EPHA5: variants seen among roughly 807,000 people sequenced by gnomAD.
The protein encoded by EPHA5 is EPH receptor A5, also known as ephrin type-A receptor 5.
A neutral mutation model predicts 105.0 loss-of-function variants in EPHA5; 60 were observed. The observed-to-expected ratio is 0.57, with a 90% confidence interval of 0.46 to 0.71. The LOEUF (loss-of-function observed/expected upper bound fraction) is 0.71. Among genes scored for constraint, EPHA5 ranks in the 30% least tolerant of loss-of-function variants. EPHA5 has a pLI of 0.00. For missense variants in EPHA5, 1,218 were observed against 1,274.7 expected, an observed-to-expected ratio of 0.96 and a Z score of 0.68; for synonymous variants, 513 against 449.1, an observed-to-expected ratio of 1.14 and a Z score of -1.80.
chr4:65,519,968 A>G (rs1405093584), intron 3 of EPHA5, among the ~76,000 whole-genome samples: 2 of 152,174 alleles, frequency 1.3e-5, no homozygotes, highest in Admixed American at 6.5e-5. Flanking sequence ...TAATTTATAG[A>G]TTTAATGCCA....
At chr4:65,387,146 G>T (rs1037697316) in intron 8 of EPHA5, among the ~76,000 whole-genome samples, 4 of 151,868 alleles carry the variant, frequency 2.6e-5, no homozygotes, top group African/African-American at 9.7e-5. Context: ...GGGGGCGGGG[G>T]TTGGGCGGTA....
intron 11 of EPHA5, among the ~76,000 whole-genome samples, chr4:65,353,745 T>C (rs536938205): frequency 3.8e-4 from 58 of 151,800 alleles, no homozygotes; most frequent in Non-Finnish European, 7.8e-4. Flanking sequence ...CCTTTGAATG[T>C]ATATTGCATT....
At chr4:65,605,630 T>C (rs1047358830) in intron 2 of EPHA5, among the ~76,000 whole-genome samples, 1 of 152,158 alleles carries the variant, frequency 6.6e-6, no homozygotes, top group Non-Finnish European at 1.5e-5. Flanking sequence ...TTTTCATTAT[T>C]ATGTTTCTAT....
At chr4:65,430,961 CG>C (rs1322536868) in intron 5 of EPHA5, among the ~76,000 whole-genome samples, 7 of 151,984 alleles carry the variant, frequency 4.6e-5, no homozygotes, top group South Asian at 2.1e-4. Flanking sequence ...CATTCTGTGA[CG>C]TGTAATTGTA....
In EPHA5 at chr4:65,320,628, T is replaced by C. The variant is rs1042312378; in HGVS notation, c.*3486A>G. The C allele has an allele frequency of 4.4e-6, 1 of 229,844 alleles. No homozygotes were observed. The highest frequency in any genetic ancestry group is 8.6e-6 in the Non-Finnish European group (1 of 115,826). The allele number at this position is 229,844 out of a possible 1,614,324, so 14.2% of individuals were successfully genotyped here. On this transcript the variant is annotated 3_prime_UTR_variant, in exon 17 of 17. Coordinates refer to ENST00000613740, the MANE Select transcript of EPHA5 (RefSeq NM_001281766.3). Reference sequence around the variant, plus strand: ...TGTGCTTCTGAGAACCCACTTTACATGGCATAAATAATGGTGTTAAAAATA... The same window carrying C: ...TGTGCTTCTGAGAACCCACTTTACACGGCATAAATAATGGTGTTAAAAATA...
chr4:65,407,856 T>C (rs1266234473), intron 7 of EPHA5, among the ~76,000 whole-genome samples: 2 of 151,830 alleles, frequency 1.3e-5, no homozygotes, highest in Non-Finnish European at 2.9e-5. Context: ...CCAGGGCTCA[T>C]GTGATCCTCC....
intron 5 of EPHA5, among the ~76,000 whole-genome samples, chr4:65,442,132 G>T (rs35413690): frequency 6.6e-6 from 1 of 151,750 alleles, no homozygotes; most frequent in East Asian, 1.9e-4. Context: ...CCACCCCCCC[G>T]CCACAACACC....
chr4:65,573,280 A>T (rs933829295), intron 3 of EPHA5, among the ~76,000 whole-genome samples: 1 of 151,532 alleles, frequency 6.6e-6, no homozygotes, highest in African/African-American at 2.4e-5. Context: ...GCGTGGTGGC[A>T]GGTGCCTGTG....
intron 5 of EPHA5, among the ~76,000 whole-genome samples, chr4:65,486,618 A>G (rs777054898): frequency 2.6e-5 from 4 of 152,256 alleles, no homozygotes; most frequent in Non-Finnish European, 4.4e-5. Context: ...AAAAAGTTTT[A>G]TATAACAACC....
At chr4:65,440,528 A>ACACC (rs1553916613) in intron 5 of EPHA5, among the ~76,000 whole-genome samples, 22 of 151,690 alleles carry the variant, frequency 1.5e-4, no homozygotes, top group Non-Finnish European at 1.9e-4. Context: ...ACACACACAC[A>ACACC]CACACAGAGG....
chr4:65,391,574 C>A (rs1720718956), intron 8 of EPHA5, among the ~76,000 whole-genome samples: 1 of 152,032 alleles, frequency 6.6e-6, no homozygotes, highest in Admixed American at 6.6e-5. Context: ...TGGCATAGGG[C>A]AGTGCTATTG....
At chr4:65,615,961 C>T (rs1022280417) in intron 2 of EPHA5, among the ~76,000 whole-genome samples, 2 of 151,836 alleles carry the variant, frequency 1.3e-5, no homozygotes, top group African/African-American at 2.4e-5. Context: ...TAACAACTTA[C>T]GTCCACAGAA....
intron 3 of EPHA5, among the ~76,000 whole-genome samples, chr4:65,506,115 C>T (rs1451036056): frequency 6.6e-6 from 1 of 152,070 alleles, no homozygotes; most frequent in Non-Finnish European, 1.5e-5. Context: ...GTCTTTTGTC[C>T]TTGCAATAGT....
intron 3 of EPHA5, among the ~76,000 whole-genome samples, chr4:65,587,804 T>C (rs1054220359): frequency 1.3e-5 from 2 of 152,108 alleles, no homozygotes; most frequent in African/African-American, 4.8e-5. Context: ...CCACTTTTCC[T>C]TTTCCTCAGT....
chr4:65,549,998 T>G (rs1737742302), intron 3 of EPHA5, among the ~76,000 whole-genome samples: 1 of 152,240 alleles, frequency 6.6e-6, no homozygotes, highest in East Asian at 1.9e-4. Flanking sequence ...TCCTCTATAT[T>G]ACTACAAATT....
chr4:65,585,502 G>T (rs1472072715), intron 3 of EPHA5, among the ~76,000 whole-genome samples: 1 of 151,776 alleles, frequency 6.6e-6, no homozygotes, highest in Admixed American at 6.6e-5. Flanking sequence ...AGCTAAAGTA[G>T]TTAGTGCTTT....
rs185645811 is a variant in EPHA5 at position 65,488,166 on chromosome 4, C to T, written c.1402+2211G>A. 8.6e-4 allele frequency among the ~76,000 whole-genome samples: 131 copies of T among 152,150 alleles called. 1 individual carries two copies. Among genetic ancestry groups the T allele is most frequent in the African/African-American group, 3.0e-3 (126 of 41,510 alleles). ...ATCTTTTTTTGGTATTTAAGGTATT[C>T]AAGTTTCAAATAATATACTTGGGAG... is the stretch of plus-strand genomic sequence containing the variant. On this transcript the variant is annotated intron_variant, in intron 5 of 16. Coordinates refer to ENST00000613740, the MANE Select transcript of EPHA5 (RefSeq NM_001281766.3).
intron 3 of EPHA5, chr4:65,573,719 G>C: frequency 1.9e-6 from 3 of 1,598,906 alleles, no homozygotes; most frequent in South Asian, 2.3e-5. Flanking sequence ...AGAAGGAGAA[G>C]GTTCTTGCAA....
intron 3 of EPHA5, among the ~76,000 whole-genome samples, chr4:65,538,818 A>G (rs1477125141): frequency 6.6e-6 from 1 of 151,688 alleles, no homozygotes; most frequent in East Asian, 1.9e-4. Context: ...CCATAAAGCT[A>G]AAGCCACTGC....
Sources: allele counts gnomAD v4.1 joint callset (sites outside exome capture counted in the v4.1 genomes callset), GRCh38; gene constraint gnomAD v4.1.1; transcripts MANE v1.5; gene names NCBI Gene and HGNC (gene_info 2026-07-23, HGNC 2026-07-21).